Variants in USP3 observed in about 807,000 individuals in gnomAD.
USP3 encodes the protein ubiquitin carboxyl-terminal hydrolase 3.
A neutral mutation model predicts 72.3 loss-of-function variants in USP3; 20 were observed. That is an observed-to-expected ratio of 0.28 (90% confidence interval 0.19 to 0.40). The LOEUF is 0.40. Ranked by LOEUF, USP3 falls within the 10% of genes least tolerant of loss-of-function variation. USP3 has a pLI of 1.00. For synonymous variants in USP3, 222 were observed against 225.3 expected (o/e 0.99, Z 0.13); for missense variants, 479 against 633.9 (o/e 0.76, Z 2.62).
chr15:63,559,696 AATC>A (rs1169143317), intron 6 of USP3, among the ~76,000 whole-genome samples, 158 bp from the exon 7 acceptor site: 2 of 152,186 alleles, frequency 1.3e-5, no homozygotes, highest in Non-Finnish European at 2.9e-5. Flanking sequence ...GAGAAGGAAA[AATC>A]ATAATGAAGA....
At chr15:63,518,570 A>G (rs1221740960) in intron 1 of USP3, among the ~76,000 whole-genome samples, 1 of 152,180 alleles carries the variant, frequency 6.6e-6, no homozygotes, top group Non-Finnish European at 1.5e-5. Context: ...TTTGATTTTG[A>G]TATAATTTTA....
intron 11 of USP3, among the ~76,000 whole-genome samples, chr15:63,583,559 A>G (rs1001941349): frequency 6.6e-6 from 1 of 152,172 alleles, no homozygotes; most frequent in African/African-American, 2.4e-5. Context: ...AGCACACCCA[A>G]AATATTATAC....
chr15:63,514,991 T>G (rs1001410151), intron 1 of USP3, among the ~76,000 whole-genome samples: 1 of 152,220 alleles, frequency 6.6e-6, no homozygotes, highest in Non-Finnish European at 1.5e-5. Flanking sequence ...TATGATCAGC[T>G]TCATAGGGAA....
chr15:63,542,602 A>T (rs1567105517), intron 3 of USP3, among the ~76,000 whole-genome samples: 1 of 152,132 alleles, frequency 6.6e-6, no homozygotes, highest in Non-Finnish European at 1.5e-5. Flanking sequence ...AGGAAACCTC[A>T]AATTATTGTC....
chr15:63,527,672 C>A lies in USP3; in HGVS notation c.92-4975C>A, dbSNP rs375534061. Among the ~76,000 whole-genome samples the A allele has an allele frequency of 6.6e-5, 10 of 152,268 alleles. No individual in the cohort carries two copies. The East Asian group carries it at 1.9e-3, about 29-fold the overall frequency. ...TGGATGTGCTTTTGTTTTAAGAACTCCTTTTCTTGTGAACACAACCTGAAA... is the reference window on the plus strand; with the variant it reads ...TGGATGTGCTTTTGTTTTAAGAACTACTTTTCTTGTGAACACAACCTGAAA... On this transcript the variant is annotated intron_variant, in intron 1 of 14. Transcript: ENST00000380324.
At chr15:63,521,714 C>T (rs2065923133) in intron 1 of USP3, among the ~76,000 whole-genome samples, 1 of 152,202 alleles carries the variant, frequency 6.6e-6, no homozygotes, top group African/African-American at 2.4e-5. Context: ...TCGGATACTT[C>T]TCTCTTCCAT....
Position 63,592,470 on chromosome 15 carries a change from G to A in USP3, c.*1644G>A, listed in dbSNP as rs2067222270. The stretch of plus-strand genomic sequence containing the variant: ...GCAATTTTTTTTTTTTTTTTTTAAT[G>A]GAGTCTTACTCTGTCCCTCAGGCTG... On this transcript the variant is annotated 3_prime_UTR_variant, in exon 15 of 15. Transcript: ENST00000380324. The A allele has an allele frequency of 7.4e-6, 1 of 134,500 alleles. No homozygotes were observed. The highest frequency in any genetic ancestry group is 1.6e-5 in the Non-Finnish European group (1 of 61,858). The allele number at this position is 134,500 out of a possible 1,614,324, so 8.3% of individuals were successfully genotyped here.
chr15:63,536,982 C>A, intron 2 of USP3, 43 bp from the exon 3 acceptor site: 3 of 1,575,148 alleles, frequency 1.9e-6, no homozygotes, highest in Non-Finnish European at 2.6e-6. Context: ...CCTTTAATTT[C>A]CAAAGCAATA....
At chr15:63,576,685 C>T (rs2066869849) in intron 11 of USP3, among the ~76,000 whole-genome samples, 2 of 152,190 alleles carry the variant, frequency 1.3e-5, no homozygotes, top group African/African-American at 4.8e-5. Context: ...CCCAGACCAT[C>T]CCAAGTAGTT....
At chr15:63,583,114 G>T (rs759589251) in intron 11 of USP3, among the ~76,000 whole-genome samples, 3 of 152,030 alleles carry the variant, frequency 2.0e-5, no homozygotes, top group African/African-American at 4.8e-5. Flanking sequence ...TTAAATATAG[G>T]GGGGGGAAAA....
At chr15:63,576,087 A>G (rs1239166817) in intron 11 of USP3, among the ~76,000 whole-genome samples, 6 of 151,570 alleles carry the variant, frequency 4.0e-5, no homozygotes, top group Middle Eastern at 3.4e-3. Flanking sequence ...CCCAGGTTCA[A>G]GTGATTCTCC....
At chr15:63,521,478 G>T (rs1425862121) in intron 1 of USP3, among the ~76,000 whole-genome samples, 1 of 152,158 alleles carries the variant, frequency 6.6e-6, no homozygotes, top group African/African-American at 2.4e-5. Context: ...CTTCCACTGT[G>T]GTCTTAGAAA....
At position 63,532,702 on chromosome 15, in the gene USP3, T is replaced by C; in HGVS notation, c.147T>C (p.Cys49=). 6.2e-7 allele frequency: 1 copy of C among 1,614,034 alleles called. No homozygotes were observed. The highest frequency in any genetic ancestry group is 8.5e-7 in the Non-Finnish European group (1 of 1,179,928). ...WVCLTCSSVH[C]GRYVNGHAKK... ...GTTTGACTTGTTCAAGTGTCCACTG[T>C]GGAAGGTAGGTGACATACTTATTAC... The change falls in exon 2 of 15, where the codon TGT becomes TGC. Residue 49 remains cysteine (C), a synonymous_variant. Transcript: ENST00000380324.
intron 1 of USP3, among the ~76,000 whole-genome samples, chr15:63,509,772 G>T (rs1372698100): frequency 6.6e-6 from 1 of 152,102 alleles, no homozygotes; most frequent in East Asian, 1.9e-4. Context: ...CTAAATGATT[G>T]CTCATGGATG....
chr15:63,520,284 A>G (rs181306354), intron 1 of USP3, among the ~76,000 whole-genome samples: 7 of 152,284 alleles, frequency 4.6e-5, no homozygotes, highest in Non-Finnish European at 2.9e-5. Flanking sequence ...CTCCAACAGT[A>G]AGAACTGGTT....
chr15:63,524,762 G>C (rs1413892144), intron 1 of USP3, among the ~76,000 whole-genome samples: 1 of 152,124 alleles, frequency 6.6e-6, no homozygotes, highest in Admixed American at 6.5e-5. Flanking sequence ...ATGGCGGCTG[G>C]CTCTCCCAAG....
intron 3 of USP3, among the ~76,000 whole-genome samples, chr15:63,537,724 T>C (rs2066179497): frequency 6.6e-6 from 1 of 152,210 alleles, no homozygotes; most frequent in Non-Finnish European, 1.5e-5. Context: ...TCGCTCTTGC[T>C]GCCCAGGCTG....
At chr15:63,581,086 G>T (rs1316015477) in intron 11 of USP3, among the ~76,000 whole-genome samples, 1 of 152,080 alleles carries the variant, frequency 6.6e-6, no homozygotes, top group African/African-American at 2.4e-5. Context: ...GATGACAGGC[G>T]TGAGCCACCG....
At chr15:63,581,345 T>TTTG in intron 11 of USP3, among the ~76,000 whole-genome samples, 1 of 130,180 alleles carries the variant, frequency 7.7e-6, no homozygotes, top group Middle Eastern at 3.7e-3. Flanking sequence ...GTGTTGGTTT[T>TTTG]TGTGTGTGTG....
Sources: allele counts gnomAD v4.1 joint callset (sites outside exome capture counted in the v4.1 genomes callset), GRCh38; gene constraint gnomAD v4.1.1; transcripts MANE v1.5; gene names NCBI Gene and HGNC (gene_info 2026-07-23, HGNC 2026-07-21).